EPYC: variants seen among roughly 807,000 people sequenced by gnomAD.
The protein encoded by EPYC is epiphycan, also known as dermatan sulfate proteoglycan 3.
Under a neutral mutation model 30.1 loss-of-function variants are expected in EPYC, and 28 were observed. That is an observed-to-expected ratio of 0.93 (90% CI 0.69 to 1.28). The LOEUF (loss-of-function observed/expected upper bound fraction) is 1.28. Ranked by LOEUF, EPYC falls within the 50% of genes most tolerant of loss-of-function variation. EPYC has a pLI of 0.00. For synonymous variants in EPYC, 144 were observed against 141.4 expected (o/e 1.02, Z -0.13); for missense variants, 382 against 383.5 (o/e 1.00, Z 0.03).
In EPYC at chr12:90,967,487, A is replaced by T. The variant is rs11836816; in HGVS notation, c.798+2557T>A. 8.2e-3 allele frequency among the ~76,000 whole-genome samples: 1,249 copies of T among 152,254 alleles called. 14 individuals are homozygous for T. The highest frequency in any genetic ancestry group is 0.028 in the African/African-American group (1,166 of 41,544). On this transcript the variant is annotated intron_variant, in intron 6 of 6. Coordinates refer to ENST00000261172, the MANE Select transcript of EPYC (RefSeq NM_004950.5). ...ACTTTGTATAATTTTAATTATTTTC[A>T]ATTTACTAATACTTGTTTTGTGGCC...
chr12:90,973,759 A>G (rs1322747814), intron 3 of EPYC, among the ~76,000 whole-genome samples: 4 of 152,146 alleles, frequency 2.6e-5, no homozygotes, highest in African/African-American at 9.7e-5. Context: ...ATTGGAATGT[A>G]TGGGACATAA....
chr12:91,004,314 T>C (rs1291715413), intron 1 of EPYC, among the ~76,000 whole-genome samples: 2 of 152,126 alleles, frequency 1.3e-5, no homozygotes, highest in African/African-American at 4.8e-5. Flanking sequence ...CCTAGAGCTA[T>C]CAACTATAAG....
intron 2 of EPYC, among the ~76,000 whole-genome samples, chr12:90,999,096 G>A (rs558740858): frequency 6.6e-6 from 1 of 152,088 alleles, no homozygotes; most frequent in African/African-American, 2.4e-5. Flanking sequence ...CATCTCATGA[G>A]TTTAGGTCAG....
intron 3 of EPYC, among the ~76,000 whole-genome samples, chr12:90,977,242 G>A (rs1877208505): frequency 6.6e-6 from 1 of 152,098 alleles, no homozygotes; most frequent in African/African-American, 2.4e-5. Flanking sequence ...CATTCTCTGT[G>A]TATATAAAAG....
chr12:90,987,764 G>T (rs939183945), intron 2 of EPYC, among the ~76,000 whole-genome samples: 3 of 152,128 alleles, frequency 2.0e-5, no homozygotes, highest in Admixed American at 6.5e-5. Flanking sequence ...ACTCTGAGAA[G>T]CACTATCTAT....
At chr12:90,988,420 G>A (rs1877503866) in intron 2 of EPYC, among the ~76,000 whole-genome samples, 1 of 152,090 alleles carries the variant, frequency 6.6e-6, no homozygotes, top group Admixed American at 6.6e-5. Context: ...GGACTGTTTG[G>A]AGGAGGGAAA....
chr12:90,965,177 G>A (rs1338156122), intron 6 of EPYC, among the ~76,000 whole-genome samples: 1 of 152,122 alleles, frequency 6.6e-6, no homozygotes, highest in Non-Finnish European at 1.5e-5. Context: ...GTTGTAGGAT[G>A]TATTGGTACT....
At position 90,972,917 on chromosome 12, in the gene EPYC, A is replaced by G. The variant is rs1465937256; in HGVS notation, c.404T>C (p.Leu135Pro). The G allele has an allele frequency of 6.2e-7, 1 of 1,612,798 alleles. No individual in the cohort carries two copies. The highest frequency in any genetic ancestry group is 1.3e-5 in the African/African-American group (1 of 74,918). ...CTTTGGCAGCGGAGGAATAGCATCA[A>G]GTTCATGGTCATCACAGTACACGGT... ...STTVYCDDHE[L>P]DAIPPLPKNT... Residue 135 changes from leucine (L) to proline (P), a missense_variant, in exon 4 of 7, where the codon CTT (leucine) becomes CCT (proline). Transcript: ENST00000261172.
At chr12:90,990,913 CA>C (rs1298790624) in intron 2 of EPYC, among the ~76,000 whole-genome samples, 1 of 152,132 alleles carries the variant, frequency 6.6e-6, no homozygotes, top group Non-Finnish European at 1.5e-5. Context: ...TGATCCTCTT[CA>C]ATGTCCATTC....
rs936822013 is a variant in EPYC, at chr12:90,992,052, C to T, written c.165+10349G>A. 1.9e-4 allele frequency among the ~76,000 whole-genome samples: 29 copies of T among 152,242 alleles called. 1 individual carries two copies. Among genetic ancestry groups the T allele is most frequent in the African/African-American group, 5.8e-4 (24 of 41,546 alleles). ...TCAGTAGCCTCCAACCTTTCTGGCA[C>T]GAGGGACTGGTTTTGTGGAAGACAG... is the stretch of plus-strand genomic sequence containing the variant. On this transcript the variant is annotated intron_variant, in intron 2 of 6. Transcript: ENST00000261172.
At chr12:90,965,353 C>T (rs762786679) in intron 6 of EPYC, among the ~76,000 whole-genome samples, 4 of 152,080 alleles carry the variant, frequency 2.6e-5, no homozygotes, top group Non-Finnish European at 4.4e-5. Context: ...CATACGCTTT[C>T]AGTTCTTTTG....
At position 90,964,068 on chromosome 12, in the gene EPYC, A is replaced by G; in HGVS notation, c.*88T>C. On this transcript the variant is annotated 3_prime_UTR_variant, in exon 7 of 7. Coordinates refer to ENST00000261172, the MANE Select transcript of EPYC (RefSeq NM_004950.5). ...ATATCATCTCTCAGAACACAATCTC[A>G]AAGTATCATGCTGAGTTTTGTTTTG... 9.5e-7 allele frequency: 1 copy of G among 1,056,728 alleles called. No individual in the cohort carries two copies. Among genetic ancestry groups the G allele is most frequent in the Non-Finnish European group, 1.4e-6 (1 of 728,096 alleles). The allele number at this position is 1,056,728 out of a possible 1,614,324, so 65.5% of individuals were successfully genotyped here.
intron 3 of EPYC, among the ~76,000 whole-genome samples, chr12:90,976,342 TA>T (rs1442142728): frequency 2.6e-5 from 4 of 152,178 alleles, no homozygotes; most frequent in Non-Finnish European, 5.9e-5. Flanking sequence ...AGAATTTTCA[TA>T]ACTAACACTA....
chr12:91,003,125 C>T lies in EPYC; in HGVS notation c.-13-547G>A, dbSNP rs115290101. 3.0e-3 allele frequency among the ~76,000 whole-genome samples: 461 copies of T among 152,214 alleles called. 4 individuals carry two copies. The highest frequency in any genetic ancestry group is 0.011 in the African/African-American group (445 of 41,562). On this transcript the variant is annotated intron_variant, in intron 1 of 6. Coordinates refer to ENST00000261172, the MANE Select transcript of EPYC (RefSeq NM_004950.5). ...TAAAAATAATTTTAAAAATAGGACT[C>T]ATAACTGTTTCTTGTACATTTAAGT...
chr12:90,978,086 A>AC lies in EPYC; in HGVS notation c.340+1dup, dbSNP rs753553105. The AC allele has an allele frequency of 2.3e-5, 36 of 1,558,724 alleles. No individual in the cohort carries two copies. Among genetic ancestry groups the AC allele is most frequent in the Non-Finnish European group, 3.0e-5 (35 of 1,158,178 alleles). ...TTGTAATTCTGCTTTGAGGTACCTG[A>AC]CCTTCATTTGTGTGTGGCCCCAGAA... On this transcript the variant is annotated splice_donor_variant, in intron 3 of 6. Transcript: ENST00000261172. LOFTEE classifies it high-confidence loss of function.
intron 2 of EPYC, among the ~76,000 whole-genome samples, chr12:90,994,965 T>C (rs947889249): frequency 6.6e-6 from 1 of 152,096 alleles, no homozygotes; most frequent in African/African-American, 2.4e-5. Context: ...ACGGCAACAA[T>C]TGACTTCTAA....
intron 2 of EPYC, among the ~76,000 whole-genome samples, chr12:90,995,977 A>G (rs1877685057): frequency 6.6e-6 from 1 of 151,940 alleles, no homozygotes; most frequent in South Asian, 2.1e-4. Context: ...TGATCGTGTT[A>G]AAGTTTCTTC....
intron 2 of EPYC, 103 bp from the exon 3 acceptor site, chr12:90,978,365 A>T: frequency 6.2e-6 from 7 of 1,135,666 alleles, no homozygotes; most frequent in Non-Finnish European, 8.5e-6. Context: ...CCACAAGAGG[A>T]CACTCATGTT....
intron 6 of EPYC, among the ~76,000 whole-genome samples, chr12:90,965,296 C>T (rs992801772): frequency 6.6e-6 from 1 of 152,134 alleles, no homozygotes; most frequent in African/African-American, 2.4e-5. Flanking sequence ...AATTATGCCT[C>T]TTATGAATAT....
Sources: gnomAD v4.1 joint callset for allele counts (sites outside exome capture counted in the v4.1 genomes callset) on GRCh38, gnomAD v4.1.1 for gene constraint, MANE v1.5 for transcripts, NCBI Gene and HGNC (gene_info 2026-07-23, HGNC 2026-07-21) for gene names.